CUX1: variants seen among roughly 807,000 people sequenced by gnomAD.
CUX1 encodes the protein protein CASP.
Under a neutral mutation model 158.8 loss-of-function variants are expected in CUX1, and 31 were observed. The ratio of observed to expected loss-of-function variants is 0.20; its 90% CI spans 0.15 to 0.26. The LOEUF (loss-of-function observed/expected upper bound fraction) is 0.26, where lower values mean the gene tolerates loss of function less well. Among genes scored for constraint, CUX1 ranks in the 10% least tolerant of loss-of-function variants. CUX1 has a pLI of 1.00. For missense variants in CUX1, 1,589 were observed against 2,014.6 expected, an observed-to-expected ratio of 0.79 and a Z score of 4.04; for synonymous variants, 879 against 862.1, an observed-to-expected ratio of 1.02 and a Z score of -0.34.
At chr7:101,931,532 G>C (rs1486914059) in intron 2 of CUX1, among the ~76,000 whole-genome samples, 2 of 152,190 alleles carry the variant, frequency 1.3e-5, no homozygotes, top group Non-Finnish European at 2.9e-5. Flanking sequence ...CCAGAGAGGA[G>C]GAGTAACTTG....
chr7:102,217,395 T>TCTG (rs1202865059), intron 20 of CUX1, among the ~76,000 whole-genome samples: 5 of 152,226 alleles, frequency 3.3e-5, no homozygotes, highest in Admixed American at 2.0e-4. Flanking sequence ...GCGGGTGAGC[T>TCTG]CTGGTTCTGC....
chr7:101,854,167 T>C (rs1796557276), intron 1 of CUX1, among the ~76,000 whole-genome samples: 1 of 152,216 alleles, frequency 6.6e-6, no homozygotes, highest in African/African-American at 2.4e-5. Context: ...GAACTGGATG[T>C]CGGACAATTC....
At chr7:102,262,340 G>A (rs567280513), downstream of CUX1, among the ~76,000 whole-genome samples, 6 of 152,006 alleles carry the variant, frequency 3.9e-5, no homozygotes, top group South Asian at 6.2e-4. Context: ...AGAGGTTGTA[G>A]TGAGCCGTGA....
At chr7:102,237,056 T>A (rs1313916562) in intron 22 of CUX1, among the ~76,000 whole-genome samples, 2 of 152,092 alleles carry the variant, frequency 1.3e-5, no homozygotes, top group African/African-American at 4.8e-5. Context: ...GTCTGTCCCC[T>A]AGGAGGGAAC....
chr7:101,816,756 C>CCGGCGGCGG (rs1171238328), upstream of CUX1, among the ~76,000 whole-genome samples: 27 of 143,038 alleles, frequency 1.9e-4, no homozygotes, highest in African/African-American at 6.7e-4. Flanking sequence ...AGAGCGGCCA[C>CCGGCGGCGG]CGGCGGCGGC....
intron 1 of CUX1, among the ~76,000 whole-genome samples, chr7:101,828,537 A>C (rs1793641146): frequency 6.6e-6 from 1 of 152,194 alleles, no homozygotes; most frequent in Admixed American, 6.5e-5. Flanking sequence ...CTCAAAACCC[A>C]AAAAAATCTA....
Position 102,264,438 on chromosome 7 carries a change from C to T in CUX1, c.1256-8928C>T, listed in dbSNP as rs75116305. On this transcript the variant is annotated intron_variant, in intron 14 of 22. Transcript: ENST00000292538. ...TGGTGCAAATGTCTCTGGAAACCAGCATGGCCGCAGCACCGTGACCAGGAG... is the reference window on the plus strand; with the variant it reads ...TGGTGCAAATGTCTCTGGAAACCAGTATGGCCGCAGCACCGTGACCAGGAG... 7.0e-3 allele frequency among the ~76,000 whole-genome samples: 1,070 copies of T among 152,306 alleles called. 13 individuals carry two copies. The highest frequency in any genetic ancestry group is 0.024 in the African/African-American group (1,000 of 41,552).
chr7:102,078,751 T>C (rs115655730), intron 4 of CUX1, among the ~76,000 whole-genome samples: 5,370 of 152,266 alleles, frequency 0.035, 310 homozygotes, highest in African/African-American at 0.12. Context: ...AAAGTAGATG[T>C]AGGTTTTTCG....
chr7:102,276,669 T>C (rs1375956622), intron 17 of CUX1, among the ~76,000 whole-genome samples: 1 of 152,178 alleles, frequency 6.6e-6, no homozygotes, highest in Non-Finnish European at 1.5e-5. Flanking sequence ...AAAACTGAGA[T>C]TCCATTTCAC....
Position 102,250,243 on chromosome 7 carries a change from G to A in CUX1, c.*1201G>A, listed in dbSNP as rs935061715. Reference sequence around the variant, plus strand: ...TCTCAATCTGTCTGTGCGTCTGCACGTGTGCAAGCATTGAAAGAAAGGAGA... The same window carrying A: ...TCTCAATCTGTCTGTGCGTCTGCACATGTGCAAGCATTGAAAGAAAGGAGA... On this transcript the variant is annotated 3_prime_UTR_variant, in exon 24 of 24. Transcript: ENST00000292535. 1.1e-5 allele frequency: 11 copies of A among 985,274 alleles called. No homozygotes were observed. The highest frequency in any genetic ancestry group is 1.7e-5 in the African/African-American group (1 of 57,210). 61.0% of individuals were successfully genotyped at this position (985,274 alleles called of 1,614,324 possible). A position where few individuals can be genotyped will look rare whatever the true frequency, so the allele number is the denominator to read the frequency against.
At chr7:102,084,210 T>C (rs1827726648) in intron 4 of CUX1, among the ~76,000 whole-genome samples, 1 of 139,836 alleles carries the variant, frequency 7.2e-6, no homozygotes, top group Non-Finnish European at 1.6e-5. Flanking sequence ...TTTCCAATTG[T>C]TTGTTGCTTT....
intron 2 of CUX1, among the ~76,000 whole-genome samples, chr7:101,943,078 C>CTTT (rs58332486): frequency 5.0e-5 from 4 of 80,324 alleles, no homozygotes; most frequent in Non-Finnish European, 6.8e-5. Flanking sequence ...CTGGTCAGTG[C>CTTT]TTTTTTTTTT....
intron 2 of CUX1, among the ~76,000 whole-genome samples, chr7:101,940,012 G>A (rs181882082): frequency 7.0e-4 from 106 of 151,736 alleles, no homozygotes; most frequent in South Asian, 2.3e-3. Context: ...CCCGGGAGGT[G>A]GAGGTTGCAG....
At chr7:102,263,956 T>A (rs1417124553) in intron 14 of CUX1, among the ~76,000 whole-genome samples, 1 of 149,646 alleles carries the variant, frequency 6.7e-6, no homozygotes, top group Non-Finnish European at 1.5e-5. Context: ...CCTCCCAAAG[T>A]GCTGGGATTA....
At chr7:101,973,327 AC>A (rs1490047096) in intron 2 of CUX1, among the ~76,000 whole-genome samples, 49 of 151,970 alleles carry the variant, frequency 3.2e-4, no homozygotes, top group African/African-American at 1.2e-3. Context: ...TCTCACACTC[AC>A]GTTCATCACG....
At chr7:101,930,095 GC>G (rs1806118962) in intron 2 of CUX1, among the ~76,000 whole-genome samples, 1 of 152,180 alleles carries the variant, frequency 6.6e-6, no homozygotes, top group Admixed American at 6.5e-5. Context: ...ACCTGCCTTG[GC>G]CTCCCAAAGT....
intron 2 of CUX1, among the ~76,000 whole-genome samples, chr7:102,002,499 G>A (rs1816796902): frequency 6.6e-6 from 1 of 152,206 alleles, no homozygotes. Flanking sequence ...CTGGGGCTTT[G>A]TATAGAGATT....
chr7:101,970,081 A>G (rs1811763427), intron 2 of CUX1, among the ~76,000 whole-genome samples: 1 of 150,012 alleles, frequency 6.7e-6, no homozygotes, highest in African/African-American at 2.4e-5. Context: ...AAATATTTGT[A>G]TTTGGGTTTC....
chr7:102,118,666 T>C (rs113804625), intron 8 of CUX1, among the ~76,000 whole-genome samples: 7 of 152,366 alleles, frequency 4.6e-5, no homozygotes, highest in Admixed American at 2.0e-4. Context: ...TGACCCTGAA[T>C]GAGCTATGAG....
Sources: allele counts gnomAD v4.1 joint callset (sites outside exome capture counted in the v4.1 genomes callset), GRCh38; gene constraint gnomAD v4.1.1; transcripts MANE v1.5; gene names NCBI Gene and HGNC (gene_info 2026-07-23, HGNC 2026-07-21).